SMG9: variants seen among roughly 807,000 people sequenced by gnomAD.
The protein encoded by SMG9 is SMG9 nonsense mediated mRNA decay factor, also known as nonsense-mediated mRNA decay factor SMG9.
A neutral mutation model predicts 64.0 loss-of-function variants in SMG9; 55 were observed. The observed-to-expected ratio is 0.86, with a 90% confidence interval of 0.69 to 1.08. The LOEUF is 1.08. SMG9 is among the 50% of genes least tolerant of loss of function. The pLI, the probability that SMG9 is intolerant of heterozygous loss-of-function variation, is 0.00. For missense variants in SMG9, 554 were observed against 681.3 expected (o/e 0.81, Z 2.08); for synonymous variants, 244 against 254.8 (o/e 0.96, Z 0.41).
intron 6 of SMG9, among the ~76,000 whole-genome samples, chr19:43,741,422 G>T (rs1600201461): frequency 6.6e-6 from 1 of 152,346 alleles, no homozygotes; most frequent in Admixed American, 6.5e-5. Flanking sequence ...GGAGCAAGAA[G>T]AGGATACACA....
chr19:43,734,535 C>T lies in SMG9; in HGVS notation c.996-40G>A, dbSNP rs981155962. On this transcript the variant is annotated intron_variant, in intron 9 of 13. Transcript: ENST00000270066. ...TGAGTGGCTGTTGCTCTTGCACTTG[C>T]ACCCCAGGTCCCACAGCCTGGGACA... 10 of 1,409,968 alleles carry T rather than the reference C, an allele frequency of 7.1e-6. No homozygotes were observed. In the African/African-American group the frequency reaches 1.4e-4, roughly 20 times the overall value. 87.3% of individuals were successfully genotyped at this position (1,409,968 alleles called of 1,614,324 possible).
At chr19:43,747,151 CA>C (rs1268670945) in intron 5 of SMG9, among the ~76,000 whole-genome samples, 2 of 152,112 alleles carry the variant, frequency 1.3e-5, no homozygotes, top group Admixed American at 1.3e-4. Context: ...GAGCAGGGTC[CA>C]AAAGACTCCC....
At chr19:43,748,347 G>C (rs960051821) in intron 2 of SMG9, among the ~76,000 whole-genome samples, 4 of 152,238 alleles carry the variant, frequency 2.6e-5, no homozygotes, top group African/African-American at 9.6e-5. Context: ...AAAGGAACTA[G>C]GAGCTAGACA....
intron 12 of SMG9, 123 bp downstream of exon 12, chr19:43,733,201 G>A: frequency 7.1e-7 from 1 of 1,413,458 alleles, no homozygotes; most frequent in Non-Finnish European, 9.6e-7. Flanking sequence ...CTCAGACCAG[G>A]TAGGCTCCAC....
At chr19:43,748,507 G>A (rs1039994307) in intron 2 of SMG9, among the ~76,000 whole-genome samples, 1 of 152,244 alleles carries the variant, frequency 6.6e-6, no homozygotes, top group Non-Finnish European at 1.5e-5. Context: ...GATGAAAGGA[G>A]AGAGAACTCA....
Position 43,738,220 on chromosome 19 carries a change from G to T in SMG9, c.814-3C>A. On this transcript the variant is annotated splice_region_variant and splice_polypyrimidine_tract_variant and intron_variant, in intron 7 of 13. Transcript: ENST00000270066. Reference sequence around the variant, plus strand: ...AGGATAGAAGGGCTCAGGATGGGCTGCAGCAAGGAAGAGAACAGAGTGTCA... The same window carrying T: ...AGGATAGAAGGGCTCAGGATGGGCTTCAGCAAGGAAGAGAACAGAGTGTCA... The T allele has an allele frequency of 1.9e-6, 3 of 1,613,660 alleles. No individual in the cohort carries two copies. The highest frequency in any genetic ancestry group is 2.5e-6 in the Non-Finnish European group (3 of 1,179,586).
chr19:43,734,202 G>A (rs1968576607), intron 10 of SMG9, 187 bp downstream of exon 10: 2 of 597,012 alleles, frequency 3.4e-6, no homozygotes, highest in African/African-American at 3.7e-5. Flanking sequence ...GTCAGGATTG[G>A]ACCAGGGCAG....
intron 2 of SMG9, among the ~76,000 whole-genome samples, chr19:43,748,979 C>G (rs1376029272): frequency 6.6e-6 from 1 of 152,156 alleles, no homozygotes; most frequent in Non-Finnish European, 1.5e-5. Flanking sequence ...ATCTCAGATG[C>G]CTGGGACCAG....
Position 43,731,542 on chromosome 19 carries a change from C to T in SMG9, c.*54G>A, listed in dbSNP as rs796631385. The T allele has an allele frequency of 1.7e-5, 27 of 1,611,938 alleles. No individual in the cohort carries two copies. The African/African-American group carries it at 2.9e-4, about 18-fold the overall frequency. Reference sequence around the variant, plus strand: ...CGGGGGATGGACATCTGTGCTCCCTCGCAGTACACTGCGGACCCAGGAGGT... The same window carrying T: ...CGGGGGATGGACATCTGTGCTCCCTTGCAGTACACTGCGGACCCAGGAGGT... On this transcript the variant is annotated 3_prime_UTR_variant, in exon 14 of 14. Coordinates refer to ENST00000270066, the MANE Select transcript of SMG9 (RefSeq NM_019108.4).
Position 43,728,802 on chromosome 19 carries a change from G to T in SMG9, c.*2794C>A. On this transcript the variant is annotated 3_prime_UTR_variant, in exon 14 of 14. Coordinates refer to ENST00000270066, the MANE Select transcript of SMG9 (RefSeq NM_019108.4). ...CATGGCCTGCTCCAGTGTAGAAGCTGATTGAGCGGTGCTCATGTTTCCTGC... is the reference window on the plus strand; with the variant it reads ...CATGGCCTGCTCCAGTGTAGAAGCTTATTGAGCGGTGCTCATGTTTCCTGC... The T allele has an allele frequency of 5.6e-6, 1 of 179,668 alleles. No homozygotes were observed. The highest frequency in any genetic ancestry group is 1.1e-5 in the Non-Finnish European group (1 of 93,010). 11.1% of individuals were successfully genotyped at this position (179,668 alleles called of 1,614,324 possible).
chr19:43,729,177 A>G lies in SMG9; in HGVS notation c.*2419T>C, dbSNP rs1346179219. ...CCCTGCACAAAACCCTGGAGGTGGGACAGGGCCTTTGGACCAAGGTCACCA... is the reference window on the plus strand; with the variant it reads ...CCCTGCACAAAACCCTGGAGGTGGGGCAGGGCCTTTGGACCAAGGTCACCA... On this transcript the variant is annotated 3_prime_UTR_variant, in exon 14 of 14. Transcript: ENST00000270066. The G allele has an allele frequency of 3.4e-6, 1 of 292,822 alleles. No homozygotes were observed. The highest frequency in any genetic ancestry group is 2.3e-5 in the African/African-American group (1 of 43,938). The allele number at this position is 292,822 out of a possible 1,614,324, so 18.1% of individuals were successfully genotyped here.
At chr19:43,739,466 AAG>A (rs1389562198) in intron 7 of SMG9, among the ~76,000 whole-genome samples, 1 of 152,180 alleles carries the variant, frequency 6.6e-6, no homozygotes, top group Non-Finnish European at 1.5e-5. Context: ...AAGTCCAGAG[AAG>A]AGAGAGATCA....
intron 1 of SMG9, among the ~76,000 whole-genome samples, chr19:43,752,223 T>C (rs902339291): frequency 1.3e-5 from 2 of 152,216 alleles, no homozygotes; most frequent in African/African-American, 2.4e-5. Context: ...GTGTCTCCAG[T>C]GTTTATTCTA....
At chr19:43,744,942 A>G in intron 5 of SMG9, 58 bp from the exon 6 acceptor site, 2 of 1,348,696 alleles carry the variant, frequency 1.5e-6, no homozygotes, top group East Asian at 2.3e-5. Context: ...AGCTGGAATG[A>G]GGGGGGGACT....
At chr19:43,749,057 A>G (rs561322090) in intron 2 of SMG9, among the ~76,000 whole-genome samples, 1 of 152,178 alleles carries the variant, frequency 6.6e-6, no homozygotes, top group Non-Finnish European at 1.5e-5. Context: ...GAGCACCCCA[A>G]ATCCATTTGC....
chr19:43,740,229 G>C lies in SMG9; in HGVS notation c.702-11C>G. The C allele has an allele frequency of 6.3e-7, 1 of 1,589,864 alleles. No individual in the cohort carries two copies. Among genetic ancestry groups the C allele is most frequent in the East Asian group, 2.2e-5 (1 of 44,770 alleles). On this transcript the variant is annotated splice_polypyrimidine_tract_variant and intron_variant, in intron 6 of 13. Coordinates refer to ENST00000270066, the MANE Select transcript of SMG9 (RefSeq NM_019108.4). ...CGGAAAACATAAGTCCTGTGGAGAG[G>C]AGCAGGCAGGGGTGTGTGAGAGCTC...
At position 43,747,731 on chromosome 19, in the gene SMG9, G is replaced by A. The variant is rs373259667; in HGVS notation, c.392C>T (p.Ala131Val). ...CCCCTCCTTCTCCCCCTTGGGTGGC[G>A]CAGGGGCTGCAGGGGGTGGTGGGGC... ...GTAPPPPAAP[A>V]PPKGEKEGQR... is the part of the protein sequence containing the mutation. Residue 131 changes from alanine to valine, a missense_variant, in exon 4 of 14, where the codon GCG becomes GTG. Coordinates refer to ENST00000270066, the MANE Select transcript of SMG9 (RefSeq NM_019108.4). The A allele has an allele frequency of 3.3e-5, 53 of 1,609,792 alleles. No homozygotes were observed. The highest frequency in any genetic ancestry group is 2.3e-4 in the South Asian group (21 of 90,576).
At chr19:43,735,470 T>C (rs574924711) in intron 9 of SMG9, among the ~76,000 whole-genome samples, 2 of 151,924 alleles carry the variant, frequency 1.3e-5, no homozygotes, top group African/African-American at 4.8e-5. Flanking sequence ...ATACAAAAAA[T>C]AGCCGGGCAT....
At position 43,731,269 on chromosome 19, in the gene SMG9, G is replaced by A; in HGVS notation, c.*327C>T. On this transcript the variant is annotated 3_prime_UTR_variant, in exon 14 of 14. Coordinates refer to ENST00000270066, the MANE Select transcript of SMG9 (RefSeq NM_019108.4). Reference sequence around the variant, plus strand: ...CAGGGAAGAGGGGCCTGTTGCTCCTGTCCCTGAAAAAGGAGGTCAAGATGG... The same window carrying A: ...CAGGGAAGAGGGGCCTGTTGCTCCTATCCCTGAAAAAGGAGGTCAAGATGG... 5.3e-6 allele frequency: 6 copies of A among 1,130,996 alleles called. No individual in the cohort carries two copies. Among genetic ancestry groups the A allele is most frequent in the Non-Finnish European group, 6.5e-6 (6 of 919,344 alleles). The allele number at this position is 1,130,996 out of a possible 1,614,324, so 70.1% of individuals were successfully genotyped here.
Sources: allele counts gnomAD v4.1 joint callset (sites outside exome capture counted in the v4.1 genomes callset), GRCh38; gene constraint gnomAD v4.1.1; transcripts MANE v1.5; gene names NCBI Gene and HGNC (gene_info 2026-07-23, HGNC 2026-07-21).